OTUB2: variants seen among roughly 807,000 people sequenced by gnomAD.
OTUB2 encodes ubiquitin thioesterase OTUB2.
OTUB2 carries 21 observed loss-of-function variants against 25.1 expected under a neutral mutation model. The ratio of observed to expected loss-of-function variants is 0.84; its 90% CI spans 0.59 to 1.21. The LOEUF (loss-of-function observed/expected upper bound fraction) is 1.21. OTUB2 is among the 50% of genes most tolerant of loss of function. The pLI is 0.00. For missense variants in OTUB2, 283 were observed against 298.0 expected, an observed-to-expected ratio of 0.95 and a Z score of 0.37; for synonymous variants, 122 against 122.8, an observed-to-expected ratio of 0.99 and a Z score of 0.04.
chr14:94,044,277 G>C (rs1026981983), intron 4 of OTUB2, among the ~76,000 whole-genome samples: 2 of 152,188 alleles, frequency 1.3e-5, no homozygotes, highest in African/African-American at 4.8e-5. Context: ...GAAGGGGCGG[G>C]ATCGAGGACT....
rs1353224545 is a variant in OTUB2, at chr14:94,044,576, G to A, written c.304-10G>A. On this transcript the variant is annotated splice_polypyrimidine_tract_variant and intron_variant, in intron 4 of 5. Transcript: ENST00000203664. ...CTTGGCCTCCCTAGCTGAGGGCCGGGCGGGCGCAGTTTTACAGTGTGGTGG... is the reference window on the plus strand; with the variant it reads ...CTTGGCCTCCCTAGCTGAGGGCCGGACGGGCGCAGTTTTACAGTGTGGTGG... The A allele has an allele frequency of 6.2e-7, 1 of 1,601,718 alleles. No homozygotes were observed. Among genetic ancestry groups the A allele is most frequent in the African/African-American group, 1.3e-5 (1 of 74,878 alleles).
At chr14:94,032,497 G>A (rs1373042445) in intron 1 of OTUB2, among the ~76,000 whole-genome samples, 4 of 152,076 alleles carry the variant, frequency 2.6e-5, no homozygotes, top group Non-Finnish European at 5.9e-5. Context: ...TGGGGGCAAG[G>A]GGATGGGGAG....
At chr14:94,040,402 T>C (rs1170250304) in intron 3 of OTUB2, among the ~76,000 whole-genome samples, 1 of 152,106 alleles carries the variant, frequency 6.6e-6, no homozygotes, top group African/African-American at 2.4e-5. Flanking sequence ...TCCCCTGGAG[T>C]TGTGCCATGC....
intron 3 of OTUB2, among the ~76,000 whole-genome samples, chr14:94,039,923 A>G (rs567288490): frequency 6.6e-6 from 1 of 152,150 alleles, no homozygotes; most frequent in East Asian, 1.9e-4. Flanking sequence ...TCTTTGGCTG[A>G]GGCAGGTTTC....
intron 1 of OTUB2, among the ~76,000 whole-genome samples, chr14:94,027,978 C>T (rs1422582915): frequency 6.6e-6 from 1 of 152,228 alleles, no homozygotes; most frequent in Non-Finnish European, 1.5e-5. Flanking sequence ...CACCCGGGAG[C>T]TGGAGGCTGG....
In OTUB2 at chr14:94,048,740, C is replaced by G. The variant is rs1361399082; in HGVS notation, c.*2818C>G. On this transcript the variant is annotated 3_prime_UTR_variant, in exon 6 of 6. Coordinates refer to ENST00000203664, the MANE Select transcript of OTUB2 (RefSeq NM_023112.4). The stretch of plus-strand genomic sequence containing the variant: ...TCGGTGGCTTCCCAAGCAGGAGTGT[C>G]AGGGGAACCATGAGAGAGAGTCTAG... 1 of 146,416 alleles carries G rather than the reference C, an allele frequency of 6.8e-6. No homozygotes were observed. Among genetic ancestry groups the G allele is most frequent in the Non-Finnish European group, 1.5e-5 (1 of 67,362 alleles). 9.1% of individuals were successfully genotyped at this position (146,416 alleles called of 1,614,324 possible). A position where few individuals can be genotyped will look rare whatever the true frequency, so the allele number is the denominator to read the frequency against.
At chr14:94,039,132 T>C (rs1809693148) in intron 3 of OTUB2, 51 bp downstream of exon 3, 2 of 1,426,428 alleles carry the variant, frequency 1.4e-6, no homozygotes, top group Admixed American at 1.8e-5. Flanking sequence ...CTGTGCTAGG[T>C]CAGCCTCAAG....
At chr14:94,034,411 CAGCCTTGGTCCCTCA>C (rs1885013165) in intron 1 of OTUB2, among the ~76,000 whole-genome samples, 1 of 152,192 alleles carries the variant, frequency 6.6e-6, no homozygotes, top group South Asian at 2.1e-4. Flanking sequence ...TTGTGTTTAG[CAGCCTTGGTCCCTCA>C]AGACCTCTGT....
At chr14:94,030,113 G>A (rs1439404397) in intron 1 of OTUB2, among the ~76,000 whole-genome samples, 1 of 152,202 alleles carries the variant, frequency 6.6e-6, no homozygotes, top group Non-Finnish European at 1.5e-5. Flanking sequence ...GGGCATGGGG[G>A]AAGGGCGTGC....
At chr14:94,043,578 C>T (rs1885203475) in intron 3 of OTUB2, among the ~76,000 whole-genome samples, 3 of 152,242 alleles carry the variant, frequency 2.0e-5, no homozygotes, top group Admixed American at 6.5e-5. Context: ...AGATGCTTAA[C>T]AGCCGGCTGT....
At chr14:94,034,511 C>T (rs1885014880) in intron 1 of OTUB2, among the ~76,000 whole-genome samples, 1 of 152,214 alleles carries the variant, frequency 6.6e-6, no homozygotes, top group Non-Finnish European at 1.5e-5. Flanking sequence ...CCTAAAATTA[C>T]TTCTTAGCAC....
intron 3 of OTUB2, 29 bp downstream of exon 3, chr14:94,039,110 G>GGGCT: frequency 6.4e-7 from 1 of 1,555,924 alleles, no homozygotes. Context: ...TGGCCTGTCA[G>GGGCT]GGCTGTGTTC....
chr14:94,038,376 C>T (rs80257218), intron 2 of OTUB2, among the ~76,000 whole-genome samples: 12,530 of 152,248 alleles, frequency 0.082, 553 homozygotes, highest in Middle Eastern at 0.19. Context: ...CTCAGGTGGG[C>T]CCAAGTCGGC....
chr14:94,044,281 G>A (rs952803312), intron 4 of OTUB2, among the ~76,000 whole-genome samples: 3 of 152,168 alleles, frequency 2.0e-5, no homozygotes, highest in African/African-American at 4.8e-5. Context: ...GGGCGGGATC[G>A]AGGACTCTCA....
At chr14:94,040,488 T>G (rs1885139968) in intron 3 of OTUB2, among the ~76,000 whole-genome samples, 1 of 152,224 alleles carries the variant, frequency 6.6e-6, no homozygotes, top group African/African-American at 2.4e-5. Context: ...TGACCTGATC[T>G]CTCTGATCCT....
Position 94,044,638 on chromosome 14 carries a change from T to C in OTUB2, c.356T>C (p.Leu119Pro), listed in dbSNP as rs1231959607. ...AAGGATGGCTCAGTGTCCAGCCTGC[T>C]GAAGGTGTTCAACGACCAGAGTGCC... ...VEKDGSVSSL[L>P]KVFNDQSASD... Residue 119 changes from leucine (L) to proline (P), a missense_variant, in exon 5 of 6, where the codon CTG (leucine) becomes CCG (proline). Leu to Pro is a moderately conservative substitution (Grantham distance 98). Transcript: ENST00000203664. 6.2e-7 allele frequency: 1 copy of C among 1,614,080 alleles called. No homozygotes were observed. The highest frequency in any genetic ancestry group is 2.2e-5 in the East Asian group (1 of 44,906).
intron 1 of OTUB2, among the ~76,000 whole-genome samples, chr14:94,030,125 C>G (rs2141406752): frequency 6.6e-6 from 1 of 152,262 alleles, no homozygotes; most frequent in South Asian, 2.1e-4. Context: ...AGGGCGTGCC[C>G]TTGCTGGTTA....
At chr14:94,026,589 T>TG in intron 1 of OTUB2, 49 bp downstream of exon 1, 1 of 407,228 alleles carries the variant, frequency 2.5e-6, no homozygotes, top group Non-Finnish European at 3.5e-6. Flanking sequence ...GGGGGCGCGG[T>TG]GGGCGGGGTC....
chr14:94,026,425 CT>C lies in OTUB2; in HGVS notation c.-112del, dbSNP rs1884859500. 1.5e-6 allele frequency: 2 copies of C among 1,296,620 alleles called. No individual in the cohort carries two copies. Among genetic ancestry groups the C allele is most frequent in the East Asian group, 6.2e-5 (2 of 32,020 alleles). 80.3% of individuals were successfully genotyped at this position (1,296,620 alleles called of 1,614,324 possible). ...GTGTATTCTCCGCCGCCCCCACGCC[CT>C]CGAGGTCCCCGCCACCGAACCAGCG... On this transcript the variant is annotated 5_prime_UTR_variant, in exon 1 of 6. Transcript: ENST00000203664.
Sources: gnomAD v4.1 joint callset for allele counts (sites outside exome capture counted in the v4.1 genomes callset) on GRCh38, gnomAD v4.1.1 for gene constraint, MANE v1.5 for transcripts, NCBI Gene and HGNC (gene_info 2026-07-23, HGNC 2026-07-21) for gene names.